MARK2: variants seen among roughly 807,000 people sequenced by gnomAD.
MARK2 encodes the protein serine/threonine-protein kinase MARK2.
MARK2 carries 16 observed loss-of-function variants against 89.8 expected under a neutral mutation model. The ratio of observed to expected loss-of-function variants is 0.18; its 90% CI spans 0.12 to 0.27. The LOEUF is 0.27. MARK2 is among the 10% of genes least tolerant of loss of function. MARK2 has a pLI of 1.00. For missense variants in MARK2, 621 were observed against 1,049.9 expected (o/e 0.59, Z 5.65); for synonymous variants, 382 against 399.5 (o/e 0.96, Z 0.52).
At position 63,881,678 on chromosome 11, in the gene MARK2, G is replaced by C. The variant is rs953537440; in HGVS notation, c.55-13481G>C. On this transcript the variant is annotated intron_variant, in intron 1 of 18. Coordinates refer to ENST00000402010, the MANE Select transcript of MARK2 (RefSeq NM_001039469.3). ...GAAATCAATGGGGCTGGGTGTGGTG[G>C]CTCACGCCTGTAATCCCAGCACTTT... 2.6e-5 allele frequency among the ~76,000 whole-genome samples: 4 copies of C among 152,168 alleles called. No homozygotes were observed. The East Asian group carries it at 7.7e-4, about 29-fold the overall frequency.
intron 1 of MARK2, among the ~76,000 whole-genome samples, chr11:63,873,443 G>T (rs554470713): frequency 3.9e-5 from 6 of 152,238 alleles, no homozygotes; most frequent in Non-Finnish European, 8.8e-5. Context: ...ATGTTGGAGT[G>T]GGAGCACAGG....
Position 63,857,090 on chromosome 11 carries a change from C to T in MARK2, c.54+17530C>T, listed in dbSNP as rs193232958. On this transcript the variant is annotated intron_variant, in intron 1 of 18. Coordinates refer to ENST00000402010, the MANE Select transcript of MARK2 (RefSeq NM_001039469.3). ...CCTCCCAAAGTGCTGGGATTGCAGG[C>T]ATGAGCCACCACGCCCGGCCTAAAT... is the stretch of plus-strand genomic sequence containing the variant. Among the ~76,000 whole-genome samples the T allele has an allele frequency of 1.2e-3, 182 of 152,208 alleles. 1 individual carries two copies. The highest frequency in any genetic ancestry group is 2.6e-3 in the Admixed American group (40 of 15,284).
chr11:63,905,922 A>G (rs1941287256), intron 16 of MARK2, among the ~76,000 whole-genome samples, 166 bp from the exon 17 acceptor site: 4 of 152,336 alleles, frequency 2.6e-5, no homozygotes, highest in East Asian at 3.9e-4. Flanking sequence ...GAGTGTGGGC[A>G]GGTCTGAAAG....
intron 1 of MARK2, among the ~76,000 whole-genome samples, chr11:63,866,056 C>T (rs1938110802): frequency 1.3e-5 from 2 of 152,208 alleles, no homozygotes; most frequent in South Asian, 2.1e-4. Flanking sequence ...CTCTTTCTCT[C>T]TTGTAATGGT....
intron 2 of MARK2, 57 bp downstream of exon 2, chr11:63,895,395 A>C (rs1204124269): frequency 2.6e-6 from 4 of 1,566,658 alleles, no homozygotes; most frequent in Non-Finnish European, 3.5e-6. Context: ...ACACTCCAGC[A>C]GGTGGTGATG....
At chr11:63,887,210 T>G (rs902884316) in intron 1 of MARK2, among the ~76,000 whole-genome samples, 2 of 152,174 alleles carry the variant, frequency 1.3e-5, no homozygotes, top group African/African-American at 4.8e-5. Flanking sequence ...AGAGCACGAT[T>G]AGGCATCAAG....
chr11:63,840,020 G>T (rs1684468004), intron 1 of MARK2, among the ~76,000 whole-genome samples: 1 of 152,066 alleles, frequency 6.6e-6, no homozygotes, highest in South Asian at 2.1e-4. Flanking sequence ...CAGTCTCTGG[G>T]TTATCACCCT....
chr11:63,840,782 C>T (rs1454789975), intron 1 of MARK2, among the ~76,000 whole-genome samples: 1 of 152,152 alleles, frequency 6.6e-6, no homozygotes, highest in Non-Finnish European at 1.5e-5. Flanking sequence ...CTGTAATGCC[C>T]AGGAAGTCCA....
At chr11:63,854,509 G>A (rs2016744191) in intron 1 of MARK2, among the ~76,000 whole-genome samples, 1 of 150,182 alleles carries the variant, frequency 6.7e-6, no homozygotes, top group Non-Finnish European at 1.5e-5. Context: ...AAGCCACCAT[G>A]CCCAGTCTTT....
Position 63,888,819 on chromosome 11 carries a change from G to A in MARK2, c.55-6340G>A, listed in dbSNP as rs867233083. The A allele has an allele frequency of 5.0e-5, 64 of 1,291,106 alleles. No homozygotes were observed. In the South Asian group the frequency reaches 6.9e-4, roughly 14 times the overall value. The allele number at this position is 1,291,106 out of a possible 1,614,324, so 80.0% of individuals were successfully genotyped here. ...GGAAGGTGTCGCCTGCTCTGGCTGA[G>A]TAAGGGTGGCTGGCTGAGCCGGCAG... On this transcript the variant is annotated intron_variant, in intron 1 of 18. Coordinates refer to ENST00000402010, the MANE Select transcript of MARK2 (RefSeq NM_001039469.3).
chr11:63,885,698 G>A (rs1193782832), intron 1 of MARK2, among the ~76,000 whole-genome samples: 1 of 151,744 alleles, frequency 6.6e-6, no homozygotes, highest in African/African-American at 2.4e-5. Flanking sequence ...TCTGGACGTG[G>A]TGGCACGCAC....
At chr11:63,859,157 C>T (rs757904768) in intron 1 of MARK2, among the ~76,000 whole-genome samples, 1 of 151,952 alleles carries the variant, frequency 6.6e-6, no homozygotes, top group Non-Finnish European at 1.5e-5. Context: ...AGCTTCTATC[C>T]TTGAAGAACC....
In MARK2 at chr11:63,902,710, C is replaced by T; in HGVS notation, c.1344C>T (p.Ser448=). The T allele has an allele frequency of 1.9e-6, 3 of 1,614,110 alleles. No individual in the cohort carries two copies. Among genetic ancestry groups the T allele is most frequent in the Non-Finnish European group, 2.5e-6 (3 of 1,180,012 alleles). Residue 448 remains serine (S), a synonymous_variant, in exon 13 of 19, where the codon AGC becomes AGT. Transcript: ENST00000402010. The surrounding 1 kb of genome is among the most constrained non-coding windows in gnomAD (Gnocchi z 4.2). ...ACCGGGAGTCAGGGCGGAAAGCCAG[C>T]AGCACAGCCAAGGTGCCTGCCAGCC... The part of the protein sequence containing the change: ...EEDRESGRKA[S]STAKVPASPL...
intron 1 of MARK2, among the ~76,000 whole-genome samples, chr11:63,853,764 CT>C (rs1344817965): frequency 6.6e-6 from 1 of 152,138 alleles, no homozygotes; most frequent in African/African-American, 2.4e-5. Flanking sequence ...CCACCACAAA[CT>C]TGTGGTTGAA....
Position 63,895,606 on chromosome 11 carries a change from T to C in MARK2, c.261T>C (p.Thr87=). Residue 87 remains threonine (T), a synonymous_variant, in exon 3 of 19, where the codon ACT becomes ACC. Transcript: ENST00000402010. ...KEVAVKIIDK[T]QLNSSSLQKL... ...TAGCTGTGAAGATCATTGACAAGAC[T>C]CAACTGAACTCCTCCAGCCTCCAGA... 6.3e-7 allele frequency: 1 copy of C among 1,591,156 alleles called. No homozygotes were observed. Among genetic ancestry groups the C allele is most frequent in the Non-Finnish European group, 8.6e-7 (1 of 1,166,430 alleles).
At chr11:63,855,183 GA>G (rs2016778040) in intron 1 of MARK2, among the ~76,000 whole-genome samples, 1 of 152,040 alleles carries the variant, frequency 6.6e-6, no homozygotes, top group African/African-American at 2.4e-5. Flanking sequence ...ATTCAGTGAA[GA>G]AATATTTTCC....
chr11:63,884,624 CA>C (rs1230611356), intron 1 of MARK2, among the ~76,000 whole-genome samples: 25 of 152,212 alleles, frequency 1.6e-4, no homozygotes, highest in Non-Finnish European at 2.9e-4. Flanking sequence ...CTCCCATCTA[CA>C]ATGGGACAGT....
intron 1 of MARK2, among the ~76,000 whole-genome samples, chr11:63,869,089 G>A (rs899404927): frequency 6.6e-6 from 1 of 152,098 alleles, no homozygotes; most frequent in Non-Finnish European, 1.5e-5. Flanking sequence ...TGGTATGAAA[G>A]TGTCATCTGA....
chr11:63,875,336 G>T (rs565623584), intron 1 of MARK2, among the ~76,000 whole-genome samples: 1 of 151,676 alleles, frequency 6.6e-6, no homozygotes, highest in African/African-American at 2.4e-5. Context: ...GTTCAGGCTG[G>T]TCTGAAACTC....
Sources: allele counts gnomAD v4.1 joint callset (sites outside exome capture counted in the v4.1 genomes callset), GRCh38; gene constraint gnomAD v4.1.1; non-coding constraint Gnocchi (gnomAD v3.1); transcripts MANE v1.5; gene names NCBI Gene and HGNC (gene_info 2026-07-23, HGNC 2026-07-21).